COL5A2: variants seen among roughly 807,000 people sequenced by gnomAD.
COL5A2 encodes the protein collagen alpha-2(V) chain.
Under a neutral mutation model 208.2 loss-of-function variants are expected in COL5A2, and 23 were observed. The observed-to-expected ratio is 0.11, with a 90% CI of 0.08 to 0.16. The LOEUF (loss-of-function observed/expected upper bound fraction) is 0.16, where lower values mean the gene tolerates loss of function less well. Ranked by LOEUF, COL5A2 falls within the 10% of genes least tolerant of loss-of-function variation. COL5A2 has a pLI of 1.00. For missense variants in COL5A2, 1,590 were observed against 1,956.4 expected, an observed-to-expected ratio of 0.81 and a Z score of 3.53; for synonymous variants, 625 against 628.5, an observed-to-expected ratio of 0.99 and a Z score of 0.08.
the COL5A2 span, among the ~76,000 whole-genome samples, chr2:189,301,549 T>C: frequency 6.6e-6 from 1 of 152,196 alleles, no homozygotes; most frequent in African/African-American, 2.4e-5. Context: ...CTATATGAGA[T>C]TGTTTGCCCA....
chr2:189,363,109 A>T, the COL5A2 span, among the ~76,000 whole-genome samples: 3 of 152,192 alleles, frequency 2.0e-5, no homozygotes, highest in African/African-American at 7.2e-5. Context: ...TAAAATGACA[A>T]TTTTTTTCCT....
intron 1 of COL5A2, among the ~76,000 whole-genome samples, chr2:189,115,765 A>T (rs576564441): frequency 6.6e-6 from 1 of 152,198 alleles, no homozygotes; most frequent in East Asian, 1.9e-4. Flanking sequence ...TGATAAACGT[A>T]TGTGTAGCAT....
At chr2:189,275,834 G>C in the COL5A2 span, among the ~76,000 whole-genome samples, 1 of 152,058 alleles carries the variant, frequency 6.6e-6, no homozygotes, top group South Asian at 2.1e-4. Context: ...TCCATAATTT[G>C]GAGGCAAATC....
intron 7 of COL5A2, among the ~76,000 whole-genome samples, chr2:189,090,276 G>A (rs1686755635): frequency 1.3e-5 from 2 of 152,138 alleles, no homozygotes; most frequent in Non-Finnish European, 2.9e-5. Context: ...TCTAGAGCAA[G>A]GCCCTAACCC....
At chr2:189,235,240 C>G in the COL5A2 span, among the ~76,000 whole-genome samples, 1 of 151,652 alleles carries the variant, frequency 6.6e-6, no homozygotes, top group Admixed American at 6.6e-5. Flanking sequence ...CTAAATAGTA[C>G]ATATTTTTAA....
the COL5A2 span, among the ~76,000 whole-genome samples, chr2:189,231,550 C>T: frequency 6.6e-6 from 1 of 151,566 alleles, no homozygotes; most frequent in African/African-American, 2.4e-5. Context: ...CATACTGATT[C>T]ATGTAGATAC....
intron 24 of COL5A2, 34 bp downstream of exon 24, chr2:189,064,970 C>T (rs764530061): frequency 5.0e-6 from 8 of 1,608,066 alleles, no homozygotes; most frequent in Admixed American, 1.7e-5. Context: ...GAGCACCCCC[C>T]ACGTAAGTAT....
intron 53 of COL5A2, among the ~76,000 whole-genome samples, chr2:189,034,573 A>G (rs1685403669): frequency 6.6e-6 from 1 of 152,206 alleles, no homozygotes; most frequent in African/African-American, 2.4e-5. Context: ...GGTGGAAAAA[A>G]TAAAGTATCT....
chr2:189,059,585 G>GTTTTTTTTTTTTTTTTTTTT (rs71020980), intron 31 of COL5A2, among the ~76,000 whole-genome samples: 405 of 28,632 alleles, frequency 0.014, 140 homozygotes, highest in Non-Finnish European at 0.02. Flanking sequence ...TTCTTTTCTG[G>GTTTTTTTTTTTTTTTTTTTT]TTTTTTTTTT....
chr2:189,095,114 T>C (rs1686879431), intron 6 of COL5A2: 1 of 146,646 alleles, frequency 6.8e-6, no homozygotes, highest in Non-Finnish European at 1.5e-5. Flanking sequence ...CTGTACATTG[T>C]GAGCCTTCCG....
Position 189,149,912 on chromosome 2 carries a change from T to C in COL5A2, c.97+29596A>G, listed in dbSNP as rs1428475990. On this transcript the variant is annotated intron_variant, in intron 1 of 53. Coordinates refer to ENST00000374866, the MANE Select transcript of COL5A2 (RefSeq NM_000393.5). ...ATAGAACCTTTTATTTAGTGTTCTT[T>C]GTAAAGTCTTAGTAGAAACTTAAAC... 2.0e-5 allele frequency among the ~76,000 whole-genome samples: 3 copies of C among 152,228 alleles called. No homozygotes were observed. In the South Asian group the frequency reaches 6.2e-4, roughly 32 times the overall value.
the COL5A2 span, among the ~76,000 whole-genome samples, chr2:189,384,675 T>C: frequency 6.6e-6 from 1 of 152,178 alleles, no homozygotes; most frequent in Non-Finnish European, 1.5e-5. Context: ...AGTTTGCAAA[T>C]ATTTTCTCCC....
At chr2:189,410,614 A>G in the COL5A2 span, among the ~76,000 whole-genome samples, 1 of 152,200 alleles carries the variant, frequency 6.6e-6, no homozygotes, top group Non-Finnish European at 1.5e-5. Context: ...ATAGAGCATT[A>G]TAATCATATA....
At chr2:189,360,034 A>G in the COL5A2 span, among the ~76,000 whole-genome samples, 1 of 151,762 alleles carries the variant, frequency 6.6e-6, no homozygotes, top group Non-Finnish European at 1.5e-5. Context: ...ATCTTTTTTA[A>G]GTCTCCATTT....
the COL5A2 span, among the ~76,000 whole-genome samples, chr2:189,299,713 T>C: frequency 6.6e-6 from 1 of 152,162 alleles, no homozygotes; most frequent in Non-Finnish European, 1.5e-5. Flanking sequence ...TATTTCAGTG[T>C]TGGAGGAGAA....
chr2:189,301,836 T>C, the COL5A2 span, among the ~76,000 whole-genome samples: 3 of 152,174 alleles, frequency 2.0e-5, no homozygotes, highest in South Asian at 4.1e-4. Context: ...AAAATATATA[T>C]AGAAAGAGTT....
At chr2:189,327,176 G>T in the COL5A2 span, among the ~76,000 whole-genome samples, 2 of 151,880 alleles carry the variant, frequency 1.3e-5, no homozygotes, top group African/African-American at 4.8e-5. Context: ...ACTTTTTTCA[G>T]ATTTTCTTCT....
At chr2:189,069,353 A>G (rs1686220853) in intron 18 of COL5A2, among the ~76,000 whole-genome samples, 1 of 152,240 alleles carries the variant, frequency 6.6e-6, no homozygotes, top group Admixed American at 6.5e-5. Context: ...ATATTTATCA[A>G]AGAATAGATA....
intron 1 of COL5A2, among the ~76,000 whole-genome samples, chr2:189,172,710 C>T (rs1001751999): frequency 2.0e-5 from 3 of 152,048 alleles, no homozygotes; most frequent in Non-Finnish European, 4.4e-5. Flanking sequence ...ATGATGCTTA[C>T]GTTGCAAGTA....
Sources: gnomAD v4.1 joint callset for allele counts (sites outside exome capture counted in the v4.1 genomes callset) on GRCh38, gnomAD v4.1.1 for gene constraint, MANE v1.5 for transcripts, NCBI Gene and HGNC (gene_info 2026-07-23, HGNC 2026-07-21) for gene names.